SNTG1: variants seen among roughly 807,000 people sequenced by gnomAD.
The protein encoded by SNTG1 is gamma-1-syntrophin.
In SNTG1, 39 loss-of-function variants were observed where a neutral mutation model predicts 74.7. That is an observed-to-expected ratio of 0.52 (90% CI 0.40 to 0.68). The LOEUF (loss-of-function observed/expected upper bound fraction) is 0.68. Among genes scored for constraint, SNTG1 ranks in the 30% least tolerant of loss-of-function variants. The pLI is 0.00. For missense variants in SNTG1, 685 were observed against 609.5 expected (o/e 1.12, Z -1.30); for synonymous variants, 254 against 217.1 (o/e 1.17, Z -1.49).
chr8:50,307,625 C>T (rs74821791), intron 2 of SNTG1, among the ~76,000 whole-genome samples: 10,536 of 151,858 alleles, frequency 0.069, 407 homozygotes, highest in African/African-American at 0.086. Flanking sequence ...CTTCATTTTA[C>T]TTTTCATCAT....
chr8:50,508,712 T>C (rs1008870530), intron 9 of SNTG1, among the ~76,000 whole-genome samples: 20 of 152,252 alleles, frequency 1.3e-4, no homozygotes, highest in African/African-American at 4.8e-4. Flanking sequence ...GTGGCATAAA[T>C]GTCTTCTTTC....
chr8:50,587,694 G>T (rs2094660320), intron 12 of SNTG1, among the ~76,000 whole-genome samples: 1 of 151,808 alleles, frequency 6.6e-6, no homozygotes, highest in Non-Finnish European at 1.5e-5. Context: ...GTGTGGTGGT[G>T]CACGCCTGTA....
intron 2 of SNTG1, among the ~76,000 whole-genome samples, chr8:50,190,389 C>T (rs1406423003): frequency 1.3e-5 from 2 of 152,036 alleles, no homozygotes; most frequent in Admixed American, 1.3e-4. Flanking sequence ...GATTATATTT[C>T]AGATTTATTT....
chr8:50,225,031 C>T (rs1334857913), intron 2 of SNTG1, among the ~76,000 whole-genome samples: 3 of 151,856 alleles, frequency 2.0e-5, no homozygotes, highest in South Asian at 2.1e-4. Flanking sequence ...AGTGCAGTGG[C>T]GTGATCTCCA....
At chr8:50,453,720 G>C (rs1323570565) in intron 8 of SNTG1, among the ~76,000 whole-genome samples, 1 of 152,110 alleles carries the variant, frequency 6.6e-6, no homozygotes, top group Non-Finnish European at 1.5e-5. Flanking sequence ...TATTTTGATG[G>C]CACCAAATGC....
chr8:50,637,093 T>C (rs1324689096), intron 13 of SNTG1, among the ~76,000 whole-genome samples: 1 of 152,182 alleles, frequency 6.6e-6, no homozygotes, highest in Non-Finnish European at 1.5e-5. Flanking sequence ...TCACATCCCA[T>C]TGGTGAAATC....
intron 2 of SNTG1, among the ~76,000 whole-genome samples, chr8:50,385,598 G>A (rs555091570): frequency 6.6e-6 from 1 of 152,314 alleles, no homozygotes; most frequent in South Asian, 2.1e-4. Flanking sequence ...GTGGAAAGGG[G>A]AAGTGATTCA....
intron 8 of SNTG1, among the ~76,000 whole-genome samples, chr8:50,481,906 G>T (rs1317618068): frequency 6.6e-6 from 1 of 152,180 alleles, no homozygotes; most frequent in Non-Finnish European, 1.5e-5. Context: ...GCAGAGTCAT[G>T]GAAGTGAGAC....
At chr8:50,624,394 G>A (rs534411568) in intron 13 of SNTG1, among the ~76,000 whole-genome samples, 3 of 152,024 alleles carry the variant, frequency 2.0e-5, no homozygotes, top group Non-Finnish European at 4.4e-5. Context: ...CTCTAAAGGA[G>A]AGTTTTATCT....
intron 1 of SNTG1, among the ~76,000 whole-genome samples, chr8:49,921,151 AT>A (rs941380952): frequency 4.6e-5 from 7 of 152,218 alleles, no homozygotes; most frequent in African/African-American, 1.7e-4. Flanking sequence ...TTTATTAGCT[AT>A]TTGAGAGAAT....
intron 18 of SNTG1, among the ~76,000 whole-genome samples, chr8:50,787,227 C>T (rs912650142): frequency 1.3e-5 from 2 of 151,678 alleles, no homozygotes; most frequent in Non-Finnish European, 2.9e-5. Context: ...TCAATAAGCA[C>T]AAGAAATGAT....
At chr8:50,233,929 C>T (rs149765301) in intron 2 of SNTG1, among the ~76,000 whole-genome samples, 1 of 151,700 alleles carries the variant, frequency 6.6e-6, no homozygotes, top group African/African-American at 2.4e-5. Context: ...GAAAACGGAT[C>T]GCTCATATAT....
At chr8:50,241,376 G>C (rs973770064) in intron 2 of SNTG1, among the ~76,000 whole-genome samples, 2 of 152,172 alleles carry the variant, frequency 1.3e-5, no homozygotes, top group Admixed American at 1.3e-4. Flanking sequence ...AATGTTACTA[G>C]ATGAGGTGAC....
intron 9 of SNTG1, among the ~76,000 whole-genome samples, chr8:50,512,029 G>A (rs192523430): frequency 0.044 from 6,675 of 152,134 alleles, 257 homozygotes; most frequent in African/African-American, 0.096. Flanking sequence ...TTTACAATTT[G>A]GCATGTTTTT....
chr8:50,455,376 T>G (rs59660616), intron 8 of SNTG1, among the ~76,000 whole-genome samples: 1 of 152,176 alleles, frequency 6.6e-6, no homozygotes, highest in Non-Finnish European at 1.5e-5. Context: ...ATGATTCTCA[T>G]GAATAGAATT....
intron 1 of SNTG1, among the ~76,000 whole-genome samples, chr8:49,927,808 G>A (rs992590988): frequency 6.6e-6 from 1 of 151,990 alleles, no homozygotes; most frequent in Non-Finnish European, 1.5e-5. Flanking sequence ...TACCTAGAGA[G>A]AACCATAATG....
intron 9 of SNTG1, among the ~76,000 whole-genome samples, chr8:50,524,570 G>C (rs2094205262): frequency 6.6e-6 from 1 of 152,032 alleles, no homozygotes; most frequent in Non-Finnish European, 1.5e-5. Context: ...TATAGGTGTA[G>C]TTGTGATACA....
chr8:50,576,341 G>A (rs961712343), intron 12 of SNTG1, among the ~76,000 whole-genome samples: 38 of 152,078 alleles, frequency 2.5e-4, no homozygotes, highest in African/African-American at 7.5e-4. Context: ...CTATGTGCCC[G>A]TTTTTAGACC....
At chr8:50,754,451 GTATGT>G (rs562079036) in intron 18 of SNTG1, among the ~76,000 whole-genome samples, 22 of 151,950 alleles carry the variant, frequency 1.4e-4, no homozygotes, top group Admixed American at 1.4e-3. Flanking sequence ...CTTGTTATAT[GTATGT>G]TATATCCTCT....
Sources: allele counts gnomAD v4.1 joint callset (sites outside exome capture counted in the v4.1 genomes callset), GRCh38; gene constraint gnomAD v4.1.1; transcripts MANE v1.5; gene names NCBI Gene and HGNC (gene_info 2026-07-23, HGNC 2026-07-21).